PTPRM: variants seen among roughly 807,000 people sequenced by gnomAD.
The protein encoded by PTPRM is receptor-type tyrosine-protein phosphatase mu.
Under a neutral mutation model 186.7 loss-of-function variants are expected in PTPRM, and 47 were observed. The observed-to-expected ratio is 0.25, with a 90% confidence interval of 0.20 to 0.32. PTPRM has a LOEUF of 0.32. Ranked by LOEUF, PTPRM falls within the 10% of genes least tolerant of loss-of-function variation. PTPRM has a pLI of 1.00. For synonymous variants in PTPRM, 668 were observed against 674.9 expected (o/e 0.99, Z 0.16); for missense variants, 1,494 against 1,865.0 (o/e 0.80, Z 3.66).
intron 2 of PTPRM, among the ~76,000 whole-genome samples, chr18:7,832,771 A>G (rs2045825991): frequency 6.6e-6 from 1 of 152,126 alleles, no homozygotes; most frequent in Non-Finnish European, 1.5e-5. Context: ...TGAAGTCTTT[A>G]ATCCATTTTG....
Position 7,602,217 on chromosome 18 carries a change from T to C in PTPRM, c.73+34326T>C, listed in dbSNP as rs369913895. Among the ~76,000 whole-genome samples, 22 of 152,286 alleles carry C rather than the reference T, an allele frequency of 1.4e-4. No homozygotes were observed. The South Asian group carries it at 4.4e-3, about 30-fold the overall frequency. On this transcript the variant is annotated intron_variant, in intron 1 of 32. Transcript: ENST00000580170. ...GAGCTGGGTGGGGACCTTGGTGTAG[T>C]TGTTTCTACCACTAAGTTGGTGGTA... is the stretch of plus-strand genomic sequence containing the variant.
intron 31 of PTPRM, 144 bp downstream of exon 31, chr18:8,387,379 G>A (rs181502088): frequency 3.6e-6 from 3 of 843,598 alleles, no homozygotes; most frequent in African/African-American, 3.4e-5. Flanking sequence ...CACTCAGTGA[G>A]GGATTGGTTG....
chr18:8,206,090 G>A (rs761037401), intron 14 of PTPRM, among the ~76,000 whole-genome samples: 24 of 151,994 alleles, frequency 1.6e-4, no homozygotes, highest in Non-Finnish European at 2.1e-4. Context: ...CGAAAAGAGA[G>A]GTTACTATGA....
At chr18:7,801,166 A>G (rs889276910) in intron 2 of PTPRM, among the ~76,000 whole-genome samples, 2 of 152,186 alleles carry the variant, frequency 1.3e-5, no homozygotes, top group African/African-American at 4.8e-5. Flanking sequence ...CTGTTATTTT[A>G]TAAATTTATA....
intron 1 of PTPRM, among the ~76,000 whole-genome samples, chr18:7,630,248 G>A (rs1437974280): frequency 1.3e-5 from 2 of 152,142 alleles, no homozygotes; most frequent in Admixed American, 6.5e-5. Context: ...CTAATGTCTG[G>A]TGGTGGAGAG....
chr18:8,131,399 G>A (rs1233655065), intron 13 of PTPRM, among the ~76,000 whole-genome samples: 1 of 152,210 alleles, frequency 6.6e-6, no homozygotes, highest in Non-Finnish European at 1.5e-5. Flanking sequence ...CAATGCTGGT[G>A]TTGGTGATGC....
chr18:7,662,067 G>A (rs939849947), intron 1 of PTPRM, among the ~76,000 whole-genome samples: 1 of 151,994 alleles, frequency 6.6e-6, no homozygotes, highest in African/African-American at 2.4e-5. Context: ...ACAGGCGGGT[G>A]CCACCGGTGG....
In PTPRM at chr18:8,092,023, G is replaced by T. The variant is rs933474376; in HGVS notation, c.1856+3172G>T. Among the ~76,000 whole-genome samples the T allele has an allele frequency of 3.3e-5, 5 of 151,994 alleles. No homozygotes were observed. The East Asian group carries it at 7.7e-4, about 23-fold the overall frequency. Reference sequence around the variant, plus strand: ...TTGTGTGTTCAAAAATACTGTCATTGTGTGATTTCCAAAACCCATTTTTTT... The same window carrying T: ...TTGTGTGTTCAAAAATACTGTCATTTTGTGATTTCCAAAACCCATTTTTTT... On this transcript the variant is annotated intron_variant, in intron 11 of 32. Coordinates refer to ENST00000580170, the MANE Select transcript of PTPRM (RefSeq NM_001105244.2).
chr18:8,358,150 C>T (rs2095574053), intron 23 of PTPRM, among the ~76,000 whole-genome samples: 1 of 151,790 alleles, frequency 6.6e-6, no homozygotes, highest in African/African-American at 2.4e-5. Context: ...CACACACACA[C>T]ACATTTGCCT....
At chr18:8,008,279 G>A (rs2084310276) in intron 7 of PTPRM, among the ~76,000 whole-genome samples, 1 of 152,100 alleles carries the variant, frequency 6.6e-6, no homozygotes, top group African/African-American at 2.4e-5. Flanking sequence ...GTTCAGTTCT[G>A]CACAATGCAG....
chr18:7,870,730 T>G (rs895120794), intron 2 of PTPRM, among the ~76,000 whole-genome samples: 5 of 152,348 alleles, frequency 3.3e-5, no homozygotes, highest in African/African-American at 1.2e-4. Flanking sequence ...GAAGATTTTT[T>G]TTCCTCAACG....
chr18:8,081,377 C>T (rs1480339181), intron 9 of PTPRM, among the ~76,000 whole-genome samples: 1 of 152,226 alleles, frequency 6.6e-6, no homozygotes, highest in African/African-American at 2.4e-5. Flanking sequence ...TTACATCCAA[C>T]ACTGCTGCAG....
At chr18:8,383,578 T>C (rs1371696074) in intron 29 of PTPRM, among the ~76,000 whole-genome samples, 2 of 152,162 alleles carry the variant, frequency 1.3e-5, no homozygotes, top group Non-Finnish European at 2.9e-5. Flanking sequence ...TTTACATTCA[T>C]GCAAATGTTT....
At chr18:7,837,755 T>A (rs926949541) in intron 2 of PTPRM, among the ~76,000 whole-genome samples, 8 of 152,198 alleles carry the variant, frequency 5.3e-5, no homozygotes, top group African/African-American at 1.7e-4. Context: ...CACAGCTATT[T>A]TTAATTCTCT....
intron 1 of PTPRM, among the ~76,000 whole-genome samples, chr18:7,602,893 CG>C (rs1242420469): frequency 7.2e-6 from 1 of 139,246 alleles, no homozygotes; most frequent in Admixed American, 7.2e-5. Flanking sequence ...TATCTAAGAA[CG>C]ATGTATTTGG....
At chr18:7,776,013 AG>A (rs1282277316) in intron 2 of PTPRM, among the ~76,000 whole-genome samples, 9 of 152,224 alleles carry the variant, frequency 5.9e-5, no homozygotes, top group African/African-American at 2.2e-4. Flanking sequence ...TTCAAAGCCC[AG>A]GTGTATCCTG....
At chr18:8,363,978 C>A (rs949264742) in intron 23 of PTPRM, among the ~76,000 whole-genome samples, 1 of 152,088 alleles carries the variant, frequency 6.6e-6, no homozygotes, top group African/African-American at 2.4e-5. Flanking sequence ...GGAAAACAGA[C>A]GCTTTGTGAG....
intron 6 of PTPRM, 31 bp downstream of exon 6, chr18:7,949,386 C>A: frequency 6.4e-7 from 1 of 1,558,164 alleles, no homozygotes; most frequent in Non-Finnish European, 8.8e-7. Flanking sequence ...CCAGAATATT[C>A]TTCTAAAGTA....
chr18:8,156,286 A>C (rs972697963), intron 14 of PTPRM, among the ~76,000 whole-genome samples: 1 of 152,332 alleles, frequency 6.6e-6, no homozygotes, highest in Admixed American at 6.5e-5. Context: ...TGTGGGGAAC[A>C]TAGCTACCAA....
Sources: allele counts gnomAD v4.1 joint callset (sites outside exome capture counted in the v4.1 genomes callset), GRCh38; gene constraint gnomAD v4.1.1; transcripts MANE v1.5; gene names NCBI Gene and HGNC (gene_info 2026-07-23, HGNC 2026-07-21).